Variants in TAOK3 observed in about 807,000 individuals in gnomAD.
The protein encoded by TAOK3 is TAO kinase 3.
TAOK3 carries 40 observed loss-of-function variants against 120.4 expected under a neutral mutation model. The observed-to-expected ratio is 0.33, with a 90% CI of 0.26 to 0.43. The LOEUF (loss-of-function observed/expected upper bound fraction) is 0.43, where lower values mean the gene tolerates loss of function less well. TAOK3 is among the 20% of genes least tolerant of loss of function. TAOK3 has a pLI of 1.00. For synonymous variants in TAOK3, 355 were observed against 387.5 expected (o/e 0.92, Z 0.99); for missense variants, 821 against 1,112.1 (o/e 0.74, Z 3.72).
chr12:118,285,936 G>A (rs578245191), intron 1 of TAOK3, among the ~76,000 whole-genome samples: 1 of 152,264 alleles, frequency 6.6e-6, no homozygotes, highest in East Asian at 1.9e-4. Flanking sequence ...GACTCCAAGC[G>A]GGAAGGTGGC....
intron 1 of TAOK3, among the ~76,000 whole-genome samples, chr12:118,272,461 C>T (rs142417777): frequency 0.021 from 3,233 of 151,908 alleles, 60 homozygotes; most frequent in Non-Finnish European, 0.031. Context: ...TTCTTCTCAA[C>T]AATGTTTTTC....
chr12:118,359,969 A>G (rs531743038), intron 1 of TAOK3, among the ~76,000 whole-genome samples: 1 of 152,308 alleles, frequency 6.6e-6, no homozygotes, highest in African/African-American at 2.4e-5. Flanking sequence ...ATGCGCGATT[A>G]TTAAGAATGT....
chr12:118,203,539 T>C (rs2038137227), intron 11 of TAOK3, among the ~76,000 whole-genome samples: 2 of 151,892 alleles, frequency 1.3e-5, no homozygotes, highest in Non-Finnish European at 2.9e-5. Context: ...ACCCTTTCTC[T>C]ACTAAAAATA....
chr12:118,326,434 C>T (rs1826949063), intron 1 of TAOK3, among the ~76,000 whole-genome samples: 1 of 152,024 alleles, frequency 6.6e-6, no homozygotes, highest in Non-Finnish European at 1.5e-5. Flanking sequence ...AATGTGATTC[C>T]TCCAGTTTTC....
chr12:118,216,934 A>G (rs2038935888), intron 9 of TAOK3, among the ~76,000 whole-genome samples: 1 of 151,164 alleles, frequency 6.6e-6, no homozygotes, highest in African/African-American at 2.4e-5. Context: ...ATCTCAAAAA[A>G]AAAAAAAAAA....
intron 1 of TAOK3, among the ~76,000 whole-genome samples, chr12:118,306,753 T>A (rs1234235220): frequency 2.0e-5 from 3 of 152,236 alleles, no homozygotes; most frequent in Non-Finnish European, 4.4e-5. Context: ...ACTTTGGACT[T>A]AAACTAATCA....
Position 118,257,864 on chromosome 12 carries a change from T to C in TAOK3, c.-88-2209A>G, listed in dbSNP as rs552707251. Among the ~76,000 whole-genome samples the C allele has an allele frequency of 2.0e-5, 3 of 152,280 alleles. No homozygotes were observed. The East Asian group carries it at 5.8e-4, about 29-fold the overall frequency. On this transcript the variant is annotated intron_variant, in intron 2 of 20. Coordinates refer to ENST00000392533, the MANE Select transcript of TAOK3 (RefSeq NM_016281.4). ...ACAAATATTGTTGAATGCTCACTAT[T>C]TGCCATACCCTGTACTGAGTTTTGG...
intron 13 of TAOK3, among the ~76,000 whole-genome samples, chr12:118,193,793 C>T (rs1434736885): frequency 6.6e-6 from 1 of 152,174 alleles, no homozygotes; most frequent in Admixed American, 6.5e-5. Flanking sequence ...ACCCAGGAAT[C>T]ACTCCTCTGG....
intron 2 of TAOK3, among the ~76,000 whole-genome samples, chr12:118,263,496 T>C (rs936741468): frequency 5.3e-5 from 8 of 152,198 alleles, no homozygotes; most frequent in Non-Finnish European, 8.8e-5. Context: ...AAATTAGACT[T>C]CGTCAGGATT....
At chr12:118,351,519 T>A (rs1054822438) in intron 1 of TAOK3, among the ~76,000 whole-genome samples, 1 of 152,224 alleles carries the variant, frequency 6.6e-6, no homozygotes, top group Non-Finnish European at 1.5e-5. Context: ...CATTTTCAAA[T>A]ATCCATACTC....
At chr12:118,211,770 C>T (rs1405596491) in intron 11 of TAOK3, among the ~76,000 whole-genome samples, 3 of 152,118 alleles carry the variant, frequency 2.0e-5, no homozygotes, top group African/African-American at 4.8e-5. Context: ...CGTGAGCCAC[C>T]ATACCCAGCT....
At chr12:118,232,085 C>T (rs574601777) in intron 9 of TAOK3, among the ~76,000 whole-genome samples, 1 of 152,136 alleles carries the variant, frequency 6.6e-6, no homozygotes, top group Non-Finnish European at 1.5e-5. Flanking sequence ...CACATCTTTC[C>T]CCATTTTCAC....
At chr12:118,241,712 T>C (rs969340249) in intron 5 of TAOK3, among the ~76,000 whole-genome samples, 4 of 152,248 alleles carry the variant, frequency 2.6e-5, no homozygotes, top group African/African-American at 9.6e-5. Flanking sequence ...TTTGTATGCA[T>C]GTATCTAACA....
intron 2 of TAOK3, among the ~76,000 whole-genome samples, chr12:118,262,689 T>G (rs930136823): frequency 6.6e-6 from 1 of 151,428 alleles, no homozygotes; most frequent in Non-Finnish European, 1.5e-5. Context: ...TAGCCAGGTG[T>G]GGTGTCACAC....
intron 1 of TAOK3, among the ~76,000 whole-genome samples, chr12:118,299,527 T>C (rs975955268): frequency 1.3e-5 from 2 of 152,184 alleles, no homozygotes; most frequent in Non-Finnish European, 2.9e-5. Context: ...ATTTATTTTT[T>C]AAGACAGAGT....
chr12:118,184,093 C>G (rs935782340), intron 14 of TAOK3, among the ~76,000 whole-genome samples: 1 of 152,192 alleles, frequency 6.6e-6, no homozygotes, highest in Non-Finnish European at 1.5e-5. Context: ...AGAGCTCAAT[C>G]TGCTATCATT....
Position 118,324,911 on chromosome 12 carries a change from A to AT in TAOK3, c.-194+47736dup, listed in dbSNP as rs376066204. Among the ~76,000 whole-genome samples the AT allele has an allele frequency of 3.4e-3, 507 of 150,742 alleles. 7 individuals carry two copies. Among genetic ancestry groups the AT allele is most frequent in the Non-Finnish European group, 4.7e-3 (316 of 67,600 alleles). Reference sequence around the variant, plus strand: ...AGGCGCCCGCCACCAGGCCCAGCTAATTTTTTTTGTATTTTTAGTAGAGAC... The same window carrying AT: ...AGGCGCCCGCCACCAGGCCCAGCTAATTTTTTTTTGTATTTTTAGTAGAGAC... On this transcript the variant is annotated intron_variant, in intron 1 of 20. Transcript: ENST00000392533.
chr12:118,150,371 C>T lies in TAOK3; in HGVS notation c.*626G>A, dbSNP rs1208024301. On this transcript the variant is annotated 3_prime_UTR_variant, in exon 21 of 21. Coordinates refer to ENST00000392533, the MANE Select transcript of TAOK3 (RefSeq NM_016281.4). ...TCTTAAAAATCACAAGATCTCTTCA[C>T]CCCACCCACCCCCCGTCCCCAAAAA... 2 of 151,328 alleles carry T rather than the reference C, an allele frequency of 1.3e-5. No homozygotes were observed. Among genetic ancestry groups the T allele is most frequent in the Non-Finnish European group, 3.0e-5 (2 of 67,724 alleles). The allele number at this position is 151,328 out of a possible 1,614,324, so 9.4% of individuals were successfully genotyped here.
intron 13 of TAOK3, among the ~76,000 whole-genome samples, chr12:118,193,020 C>T (rs989793674): frequency 1.3e-5 from 2 of 148,972 alleles, no homozygotes; most frequent in African/African-American, 4.9e-5. Flanking sequence ...AGTAAACCTA[C>T]GTTAACCTGG....
Sources: gnomAD v4.1 joint callset for allele counts (sites outside exome capture counted in the v4.1 genomes callset) on GRCh38, gnomAD v4.1.1 for gene constraint, MANE v1.5 for transcripts, NCBI Gene and HGNC (gene_info 2026-07-23, HGNC 2026-07-21) for gene names.